MAL2: variants seen among roughly 807,000 people sequenced by gnomAD.
MAL2 encodes mal, T cell differentiation protein 2.
MAL2 carries 17 observed loss-of-function variants against 18.1 expected under a neutral mutation model. That is an observed-to-expected ratio of 0.94 (90% CI 0.64 to 1.41). MAL2 has a LOEUF of 1.41. Among genes scored for constraint, MAL2 ranks in the 40% most tolerant of loss-of-function variants. MAL2 has a pLI of 0.00. For missense variants in MAL2, 222 were observed against 231.9 expected (o/e 0.96, Z 0.28); for synonymous variants, 102 against 102.3 (o/e 1.00, Z 0.02).
At chr8:119,221,400 T>A in intron 1 of MAL2, 187 bp from the exon 2 acceptor site, 1 of 635,578 alleles carries the variant, frequency 1.6e-6, no homozygotes, top group Non-Finnish European at 2.7e-6. Context: ...GGAGGATTGA[T>A]CTTGCACCTG....
At chr8:119,217,511 C>T (rs913975554) in intron 1 of MAL2, among the ~76,000 whole-genome samples, 1 of 152,126 alleles carries the variant, frequency 6.6e-6, no homozygotes, top group Non-Finnish European at 1.5e-5. Context: ...TAAGCACTGA[C>T]TTAGTTTCTT....
rs1453039813 is a variant in MAL2 at position 119,244,317 on chromosome 8, T to G, written c.*829T>G. 1 of 148,104 alleles carries G rather than the reference T, an allele frequency of 6.8e-6. No homozygotes were observed. Among genetic ancestry groups the G allele is most frequent in the Non-Finnish European group, 1.5e-5 (1 of 68,008 alleles). The allele number at this position is 148,104 out of a possible 1,614,324, so 9.2% of individuals were successfully genotyped here. A position where few individuals can be genotyped will look rare whatever the true frequency, so the allele number is the denominator to read the frequency against. On this transcript the variant is annotated 3_prime_UTR_variant, in exon 4 of 4. Transcript: ENST00000614891. The stretch of plus-strand genomic sequence containing the variant: ...TACCTTTGGAGGAATGTATAAAATT[T>G]CTCAGGCAGAGTCCTGGATATAGGA...
chr8:119,223,029 A>ATACTT (rs1056301580), intron 2 of MAL2, among the ~76,000 whole-genome samples: 3 of 152,188 alleles, frequency 2.0e-5, no homozygotes, highest in Non-Finnish European at 4.4e-5. Context: ...GGTTATGATC[A>ATACTT]TACTTTGGTG....
intron 2 of MAL2, among the ~76,000 whole-genome samples, chr8:119,234,574 A>G (rs1358407939): frequency 6.6e-6 from 1 of 152,126 alleles, no homozygotes; most frequent in Non-Finnish European, 1.5e-5. Context: ...ACAGCTTTGA[A>G]GAGAGCAGTG....
chr8:119,211,356 A>G (rs1303381567), intron 1 of MAL2, among the ~76,000 whole-genome samples: 1 of 152,152 alleles, frequency 6.6e-6, no homozygotes, highest in Non-Finnish European at 1.5e-5. Flanking sequence ...CTTCTGTTCA[A>G]ATTCGTTTGT....
At chr8:119,210,571 C>T (rs1208717902) in intron 1 of MAL2, among the ~76,000 whole-genome samples, 5 of 152,094 alleles carry the variant, frequency 3.3e-5, no homozygotes, top group Non-Finnish European at 2.9e-5. Flanking sequence ...TTTTTTAAAG[C>T]TTCCCTGGTG....
At position 119,240,148 on chromosome 8, in the gene MAL2, TTTCTC is replaced by T. The variant is rs780126255; in HGVS notation, c.304-15_304-11del. 1.2e-6 allele frequency: 2 copies of T among 1,610,842 alleles called. No individual in the cohort carries two copies. The highest frequency in any genetic ancestry group is 1.7e-5 in the Admixed American group (1 of 59,688). On this transcript the variant is annotated splice_polypyrimidine_tract_variant and intron_variant, in intron 2 of 3. Coordinates refer to ENST00000614891, the MANE Select transcript of MAL2 (RefSeq NM_052886.3). ...TATTTTTTTTTAATTGCAGATGTCT[TTTCTC>T]TCCTCTTTTAGGATTTTGCCTACCA...
At chr8:119,210,546 A>G (rs1339321409) in intron 1 of MAL2, among the ~76,000 whole-genome samples, 2 of 152,170 alleles carry the variant, frequency 1.3e-5, no homozygotes, top group Non-Finnish European at 2.9e-5. Context: ...GGGGAGTGCC[A>G]GAGTTCACTA....
Position 119,232,888 on chromosome 8 carries a change from C to T in MAL2, c.304-7277C>T, listed in dbSNP as rs201456015. Among the ~76,000 whole-genome samples, 3 of 151,982 alleles carry T rather than the reference C, an allele frequency of 2.0e-5. 1 individual carries two copies. The highest frequency in any genetic ancestry group is 4.4e-5 in the Non-Finnish European group (3 of 67,978). On this transcript the variant is annotated intron_variant, in intron 2 of 3. Transcript: ENST00000614891. ...AGCAGGTTGTTCAGTTTCCATGTAG[C>T]TGAGCAGTTTTGAGTGAGTTTCTTA...
chr8:119,243,317 A>T, intron 3 of MAL2, 100 bp from the exon 4 acceptor site: 2 of 694,294 alleles, frequency 2.9e-6, no homozygotes, highest in Non-Finnish European at 4.4e-6. Context: ...AAGTATCTTT[A>T]GGTAGATTGT....
At chr8:119,221,348 A>T in intron 1 of MAL2, 1 of 455,720 alleles carries the variant, frequency 2.2e-6, no homozygotes, top group East Asian at 3.3e-5. Flanking sequence ...AGCGAGTCCA[A>T]CCTGAAGATA....
intron 1 of MAL2, among the ~76,000 whole-genome samples, chr8:119,214,104 G>A (rs1035860468): frequency 2.6e-5 from 4 of 152,188 alleles, no homozygotes; most frequent in Admixed American, 2.6e-4. Context: ...GCAGTGATAT[G>A]GCTGAATAGA....
chr8:119,233,436 T>A (rs1230893356), intron 2 of MAL2, among the ~76,000 whole-genome samples: 1 of 151,732 alleles, frequency 6.6e-6, no homozygotes, highest in East Asian at 1.9e-4. Context: ...CTAGCAAGAC[T>A]AATAAAGAAG....
chr8:119,238,663 C>G (rs1464427717), intron 2 of MAL2, among the ~76,000 whole-genome samples: 2 of 149,646 alleles, frequency 1.3e-5, no homozygotes, highest in Non-Finnish European at 2.9e-5. Flanking sequence ...CTGAGAAAAA[C>G]AAGCAATGGG....
chr8:119,218,555 G>A (rs565151627), intron 1 of MAL2, among the ~76,000 whole-genome samples: 1 of 151,930 alleles, frequency 6.6e-6, no homozygotes, highest in African/African-American at 2.4e-5. Context: ...AGCACCCACC[G>A]CAATCTGCTC....
chr8:119,240,371 G>T, intron 3 of MAL2, 51 bp downstream of exon 3: 1 of 1,577,866 alleles, frequency 6.3e-7, no homozygotes, highest in East Asian at 2.3e-5. Context: ...CCGCTCCACT[G>T]TCAAGGCCTC....
At position 119,244,324 on chromosome 8, in the gene MAL2, C is replaced by T. The variant is rs1818109089; in HGVS notation, c.*836C>T. 1 of 152,152 alleles carries T rather than the reference C, an allele frequency of 6.6e-6. No individual in the cohort carries two copies. Among genetic ancestry groups the T allele is most frequent in the Non-Finnish European group, 1.5e-5 (1 of 68,036 alleles). The allele number at this position is 152,152 out of a possible 1,614,324, so 9.4% of individuals were successfully genotyped here. ...GGAGGAATGTATAAAATTTCTCAGG[C>T]AGAGTCCTGGATATAGGAAAAAGTA... On this transcript the variant is annotated 3_prime_UTR_variant, in exon 4 of 4. Transcript: ENST00000614891.
At chr8:119,240,392 C>G (rs1818024101) in intron 3 of MAL2, 72 bp downstream of exon 3, 1 of 1,481,444 alleles carries the variant, frequency 6.8e-7, no homozygotes, top group East Asian at 2.3e-5. Flanking sequence ...CAAGAAACTC[C>G]TCAGGCAACA....
At chr8:119,231,331 C>T (rs1817723886) in intron 2 of MAL2, among the ~76,000 whole-genome samples, 1 of 152,164 alleles carries the variant, frequency 6.6e-6, no homozygotes, top group African/African-American at 2.4e-5. Flanking sequence ...TGTGCCCAGC[C>T]AGATATGAGA....
Sources: allele counts gnomAD v4.1 joint callset (sites outside exome capture counted in the v4.1 genomes callset), GRCh38; gene constraint gnomAD v4.1.1; transcripts MANE v1.5; gene names NCBI Gene and HGNC (gene_info 2026-07-23, HGNC 2026-07-21).